PKD1L1: variants seen among roughly 807,000 people sequenced by gnomAD.
PKD1L1 encodes the protein polycystin 1 like 1, transient receptor potential channel interacting, also known as polycystin-1-like protein 1.
In PKD1L1, 236 loss-of-function variants were observed where a neutral mutation model predicts 323.4. The observed-to-expected ratio is 0.73, with a 90% confidence interval of 0.66 to 0.81. The LOEUF (loss-of-function observed/expected upper bound fraction) is 0.81. Ranked by LOEUF, PKD1L1 falls within the 40% of genes least tolerant of loss-of-function variation. PKD1L1 has a pLI of 0.00. For missense variants in PKD1L1, 3,320 were observed against 3,508.0 expected (o/e 0.95, Z 1.35); for synonymous variants, 1,344 against 1,335.0 (o/e 1.01, Z -0.15).
intron 13 of PKD1L1, among the ~76,000 whole-genome samples, chr7:47,899,211 T>TG (rs1787023420): frequency 6.6e-6 from 1 of 152,202 alleles, no homozygotes; most frequent in African/African-American, 2.4e-5. Flanking sequence ...ATCAGGGGCC[T>TG]GGGGCACTCT....
intron 7 of PKD1L1, among the ~76,000 whole-genome samples, chr7:47,922,248 C>A (rs7791401): frequency 0.71 from 108,086 of 152,038 alleles, 39,405 homozygotes; most frequent in African/African-American, 0.88. Flanking sequence ...CAGTGGCGTG[C>A]TCTCGGCTCG....
At position 47,830,022 on chromosome 7, in the gene PKD1L1, A is replaced by G. The variant is rs1374553685; in HGVS notation, c.6558+18T>C. On this transcript the variant is annotated intron_variant, in intron 43 of 56. Transcript: ENST00000289672. ...CCTGCTGATGGAAGGCACTTCTACC[A>G]TGGAGGGTGTTTCTTACCATAAGTG... 3 of 1,611,090 alleles carry G rather than the reference A, an allele frequency of 1.9e-6. No homozygotes were observed. Among genetic ancestry groups the G allele is most frequent in the Non-Finnish European group, 2.5e-6 (3 of 1,177,330 alleles).
chr7:47,848,362 C>T (rs948179882), intron 31 of PKD1L1, among the ~76,000 whole-genome samples: 6 of 151,910 alleles, frequency 3.9e-5, no homozygotes, highest in African/African-American at 1.5e-4. Flanking sequence ...AAAAAGATAT[C>T]GATGAATAAA....
chr7:47,808,869 A>C (rs1784836424), intron 51 of PKD1L1, among the ~76,000 whole-genome samples: 1 of 152,214 alleles, frequency 6.6e-6, no homozygotes, highest in Non-Finnish European at 1.5e-5. Flanking sequence ...CTGTACGCTA[A>C]TGTAGACTTT....
rs1357001086 is a variant in PKD1L1, at chr7:47,887,851, G to C, written c.2836+139C>G. 3.1e-5 allele frequency: 25 copies of C among 794,520 alleles called. No individual in the cohort carries two copies. The Admixed American group carries it at 3.6e-4, about 12-fold the overall frequency. The allele number at this position is 794,520 out of a possible 1,614,324, so 49.2% of individuals were successfully genotyped here. On this transcript the variant is annotated intron_variant, in intron 17 of 56. Coordinates refer to ENST00000289672, the MANE Select transcript of PKD1L1 (RefSeq NM_138295.5). ...CGGACTGTAGAGGCAAGAGGGGCTGGGGAAGCACGACGGACCGTTCACCAG... is the reference window on the plus strand; with the variant it reads ...CGGACTGTAGAGGCAAGAGGGGCTGCGGAAGCACGACGGACCGTTCACCAG...
upstream of PKD1L1, among the ~76,000 whole-genome samples, chr7:47,951,028 C>T (rs560125140): frequency 2.7e-4 from 41 of 152,304 alleles, no homozygotes; most frequent in African/African-American, 9.4e-4. Context: ...CTCCCGAGGA[C>T]GGAGGGGTGT....
chr7:47,882,027 TC>T lies in PKD1L1; in HGVS notation c.3323del (p.Gly1108GlufsTer21), dbSNP rs1263829148. 1.2e-6 allele frequency: 2 copies of T among 1,613,910 alleles called. No homozygotes were observed. The highest frequency in any genetic ancestry group is 2.7e-5 in the African/African-American group (2 of 74,910). ...AGGGGTCCACCAGGTTATCCCCATC[TC>T]CAGGGCTCTCCTCGGCACTCAAGCT... ...GPSLSAEESPGDGDNLVDPSL... is the reference protein window; with the variant it reads ...GPSLSAEESPXDGDNLVDPSL... On this transcript the variant is annotated frameshift_variant, in exon 20 of 57. Transcript: ENST00000289672. LOFTEE classifies it high-confidence loss of function.
intron 23 of PKD1L1, among the ~76,000 whole-genome samples, chr7:47,874,583 C>T (rs563789683): frequency 6.6e-6 from 1 of 152,298 alleles, no homozygotes; most frequent in East Asian, 1.9e-4. Flanking sequence ...CCAGGCATCT[C>T]GTCTACAAGC....
chr7:47,851,642 A>G (rs1003417616), intron 31 of PKD1L1, among the ~76,000 whole-genome samples: 2 of 152,192 alleles, frequency 1.3e-5, no homozygotes, highest in Non-Finnish European at 2.9e-5. Context: ...CAAAAGTATC[A>G]TCTCACAAAG....
At chr7:47,824,561 G>A (rs1322778972) in intron 45 of PKD1L1, among the ~76,000 whole-genome samples, 1 of 152,052 alleles carries the variant, frequency 6.6e-6, no homozygotes, top group Admixed American at 6.6e-5. Flanking sequence ...CCTTAACACA[G>A]ATTTAAAAAA....
intron 15 of PKD1L1, among the ~76,000 whole-genome samples, chr7:47,893,549 A>G (rs1305656456): frequency 3.3e-5 from 5 of 152,168 alleles, no homozygotes; most frequent in Non-Finnish European, 5.9e-5. Context: ...CAAGAGACCC[A>G]TCTACCTGGA....
At position 47,821,071 on chromosome 7, in the gene PKD1L1, C is replaced by G. The variant is rs1401427538; in HGVS notation, c.6965+5G>C. On this transcript the variant is annotated splice_donor_5th_base_variant and intron_variant, in intron 46 of 56. Transcript: ENST00000289672. ...AGATCTGGAAGAGTTACCCAAACCT[C>G]CTACCTTGTAAATTCTTTCCGGATA... 6.4e-7 allele frequency: 1 copy of G among 1,556,952 alleles called. No individual in the cohort carries two copies. The highest frequency in any genetic ancestry group is 1.1e-5 in the South Asian group (1 of 89,850).
chr7:47,842,714 C>T (rs1397214437), intron 34 of PKD1L1, among the ~76,000 whole-genome samples: 2 of 152,184 alleles, frequency 1.3e-5, no homozygotes, highest in African/African-American at 2.4e-5. Flanking sequence ...CCCCGGGCTG[C>T]TTTCCACAGT....
chr7:47,803,436 A>T, intron 52 of PKD1L1, 92 bp from the exon 53 acceptor site: 1 of 1,437,054 alleles, frequency 7.0e-7, no homozygotes, highest in Admixed American at 1.9e-5. Flanking sequence ...TAAAGAGTTC[A>T]TTGGATTTGA....
chr7:47,795,912 A>C, intron 55 of PKD1L1, 77 bp downstream of exon 55: 1 of 1,518,662 alleles, frequency 6.6e-7, no homozygotes, highest in East Asian at 2.3e-5. Context: ...TTGATAACTG[A>C]AAGCAAAATT....
At position 47,798,138 on chromosome 7, in the gene PKD1L1, T is replaced by C. The variant is rs563773848; in HGVS notation, c.8194-1988A>G. On this transcript the variant is annotated intron_variant, in intron 54 of 56. Coordinates refer to ENST00000289672, the MANE Select transcript of PKD1L1 (RefSeq NM_138295.5). ...GGCAAAAGAGCTAGAACACCTACAG[T>C]CAAAACAGAACAAAGCTGGAGGACT... 5.3e-5 allele frequency among the ~76,000 whole-genome samples: 8 copies of C among 152,180 alleles called. No individual in the cohort carries two copies. The South Asian group carries it at 1.5e-3, about 28-fold the overall frequency.
chr7:47,800,133 TTCCAC>T (rs1234814157), intron 54 of PKD1L1, among the ~76,000 whole-genome samples: 2 of 152,058 alleles, frequency 1.3e-5, no homozygotes, highest in Admixed American at 6.5e-5. Flanking sequence ...GAGACTCTTC[TTCCAC>T]TGAAGGAGTT....
At position 47,833,299 on chromosome 7, in the gene PKD1L1, C is replaced by T. The variant is rs756374430; in HGVS notation, c.6175-47G>A. 44 of 1,583,726 alleles carry T rather than the reference C, an allele frequency of 2.8e-5. No homozygotes were observed. The African/African-American group carries it at 5.2e-4, about 19-fold the overall frequency. Reference sequence around the variant, plus strand: ...AAGGTTAATATCTCCACAGACAGGGCTTCACACGTGACGCTCAACAGTGGT... The same window carrying T: ...AAGGTTAATATCTCCACAGACAGGGTTTCACACGTGACGCTCAACAGTGGT... On this transcript the variant is annotated intron_variant, in intron 40 of 56. Coordinates refer to ENST00000289672, the MANE Select transcript of PKD1L1 (RefSeq NM_138295.5).
intron 56 of PKD1L1, among the ~76,000 whole-genome samples, 170 bp from the exon 57 acceptor site, chr7:47,775,336 A>C (rs1302902939): frequency 1.3e-5 from 2 of 152,250 alleles, no homozygotes; most frequent in African/African-American, 4.8e-5. Context: ...CAGAATACAA[A>C]TATTTTAAAG....
Sources: allele counts gnomAD v4.1 joint callset (sites outside exome capture counted in the v4.1 genomes callset), GRCh38; gene constraint gnomAD v4.1.1; transcripts MANE v1.5; gene names NCBI Gene and HGNC (gene_info 2026-07-23, HGNC 2026-07-21).